The following USH2A variants were observed in gnomAD, a reference collection of about 807,000 sequenced individuals.
The protein encoded by USH2A is usherin, also known as Usher syndrome 2A (autosomal recessive, mild).
USH2A carries 443 observed loss-of-function variants against 538.9 expected under a neutral mutation model. The ratio of observed to expected loss-of-function variants is 0.82; its 90% CI spans 0.76 to 0.89. The LOEUF is 0.89. Ranked by LOEUF, USH2A falls within the 40% of genes least tolerant of loss-of-function variation. USH2A has a pLI of 0.00. For synonymous variants in USH2A, 2,413 were observed against 2,273.5 expected (o/e 1.06, Z -1.75); for missense variants, 6,633 against 6,324.8 (o/e 1.05, Z -1.65).
chr1:216,103,669 T>A (rs924390390), intron 21 of USH2A, among the ~76,000 whole-genome samples: 1 of 152,142 alleles, frequency 6.6e-6, no homozygotes, highest in Non-Finnish European at 1.5e-5. Context: ...ATTCTTACAA[T>A]GGACATGTAG....
chr1:216,280,228 G>T (rs1389517422), intron 11 of USH2A, among the ~76,000 whole-genome samples: 2 of 151,850 alleles, frequency 1.3e-5, no homozygotes, highest in Non-Finnish European at 2.9e-5. Context: ...AGAAGGAAGT[G>T]CAGTGGTATC....
chr1:216,197,169 G>T (rs1262676816), intron 18 of USH2A, among the ~76,000 whole-genome samples: 1 of 152,132 alleles, frequency 6.6e-6, no homozygotes, highest in African/African-American at 2.4e-5. Flanking sequence ...TTATTCTTCA[G>T]AAAGAGGTAA....
chr1:215,954,803 T>A (rs1434415595), intron 37 of USH2A, among the ~76,000 whole-genome samples: 1 of 151,988 alleles, frequency 6.6e-6, no homozygotes, highest in Non-Finnish European at 1.5e-5. Context: ...CTTAAAACAG[T>A]CTGCTGCATG....
intron 62 of USH2A, among the ~76,000 whole-genome samples, chr1:215,676,116 G>T (rs1041356931): frequency 4.6e-5 from 7 of 152,058 alleles, no homozygotes; most frequent in African/African-American, 1.7e-4. Flanking sequence ...TTGTGTGTGT[G>T]TGTGTTTAGG....
In USH2A at chr1:215,786,742, A is replaced by G. The variant is rs1661812275; in HGVS notation, c.10315T>C (p.Ser3439Pro). 1 of 1,613,882 alleles carries G rather than the reference A, an allele frequency of 6.2e-7. No homozygotes were observed. Among genetic ancestry groups the G allele is most frequent in the Non-Finnish European group, 8.5e-7 (1 of 1,179,956 alleles). Residue 3439 changes from serine to proline, a missense_variant, in exon 52 of 72, where the codon TCA becomes CCA. Coordinates refer to ENST00000307340, the MANE Select transcript of USH2A (RefSeq NM_206933.4). Reference sequence around the variant, plus strand: ...GCAGATGAACACATTTCTTCAATTGATGCCTTCCCTGTGGAATTGTGAGAC... The same window carrying G: ...GCAGATGAACACATTTCTTCAATTGGTGCCTTCCCTGTGGAATTGTGAGAC... ...RGSHNSTGKA[S>P]IEEMCSSAEE... is the part of the protein sequence containing the mutation.
chr1:216,143,540 C>G (rs1016988101), intron 21 of USH2A, among the ~76,000 whole-genome samples: 2 of 151,980 alleles, frequency 1.3e-5, no homozygotes, highest in African/African-American at 4.8e-5. Context: ...TTGAAATGCC[C>G]TAAAGAGTAG....
At chr1:215,848,179 A>G (rs1346124674) in intron 44 of USH2A, among the ~76,000 whole-genome samples, 1 of 152,174 alleles carries the variant, frequency 6.6e-6, no homozygotes, top group East Asian at 1.9e-4. Flanking sequence ...TTCTTCTGTT[A>G]CTAGCATCAT....
chr1:216,043,733 C>CT, intron 32 of USH2A, among the ~76,000 whole-genome samples: 1 of 152,134 alleles, frequency 6.6e-6, no homozygotes, highest in South Asian at 2.1e-4. Flanking sequence ...CTACACTGCC[C>CT]TTTTTCCGGT....
Position 216,324,349 on chromosome 1 carries a change from A to T in USH2A, c.1147T>A (p.Phe383Ile). The change falls in exon 7 of 72, where the codon TTT (phenylalanine) becomes ATT (isoleucine). Residue 383 changes from phenylalanine (F) to isoleucine (I), a missense_variant. Physicochemically the swap from Phe to Ile is conservative, Grantham distance 21 (BLOSUM62 0). Coordinates refer to ENST00000307340, the MANE Select transcript of USH2A (RefSeq NM_206933.4). Reference protein sequence around the residue: ...VDLENGQYQVFYIIIQFFSPQ... With the variant: ...VDLENGQYQVIYIIIQFFSPQ... ...CTAAAGAACTGAATGATAATATAAA[A>T]CACCTGAAAATGGAAAGTTAATTAA... The T allele has an allele frequency of 6.2e-7, 1 of 1,609,802 alleles. No homozygotes were observed. The highest frequency in any genetic ancestry group is 1.1e-5 in the South Asian group (1 of 90,610).
intron 11 of USH2A, among the ~76,000 whole-genome samples, chr1:216,264,707 G>A (rs750059641): frequency 7.9e-5 from 12 of 152,162 alleles, no homozygotes; most frequent in South Asian, 2.1e-4. Context: ...TGATACTGTC[G>A]TAAAACAGAC....
chr1:215,690,695 C>A (rs917541176), intron 61 of USH2A, among the ~76,000 whole-genome samples: 22 of 135,134 alleles, frequency 1.6e-4, no homozygotes, highest in African/African-American at 5.2e-4. Flanking sequence ...CTTCATTCTT[C>A]CAGTTGTTTA....
At chr1:215,904,199 C>T (rs1325811669) in intron 38 of USH2A, among the ~76,000 whole-genome samples, 1 of 151,742 alleles carries the variant, frequency 6.6e-6, no homozygotes, top group East Asian at 1.9e-4. Flanking sequence ...AGTCATTAGC[C>T]CTGAAAAAAT....
chr1:216,388,079 A>C (rs1181421497), intron 3 of USH2A, among the ~76,000 whole-genome samples: 1 of 152,222 alleles, frequency 6.6e-6, no homozygotes, highest in Non-Finnish European at 1.5e-5. Flanking sequence ...ATATTCTGCC[A>C]TGAACAAGTT....
chr1:215,874,576 T>C (rs1274419323), intron 43 of USH2A, among the ~76,000 whole-genome samples: 1 of 152,198 alleles, frequency 6.6e-6, no homozygotes, highest in African/African-American at 2.4e-5. Flanking sequence ...TATAAACACA[T>C]ACTTAGCCAA....
intron 41 of USH2A, among the ~76,000 whole-genome samples, chr1:215,882,669 GTCTC>G (rs1464872354): frequency 6.6e-6 from 1 of 151,916 alleles, no homozygotes; most frequent in African/African-American, 2.4e-5. Context: ...CATATCCTAG[GTCTC>G]TCTCTCTTTC....
chr1:216,017,390 C>T (rs565107099), intron 32 of USH2A, among the ~76,000 whole-genome samples: 8 of 152,268 alleles, frequency 5.3e-5, no homozygotes, highest in African/African-American at 1.2e-4. Context: ...AGGAGATAAT[C>T]GAGATAACTT....
At chr1:215,792,793 T>C (rs1047633948) in intron 50 of USH2A, among the ~76,000 whole-genome samples, 7 of 152,188 alleles carry the variant, frequency 4.6e-5, no homozygotes, top group African/African-American at 1.7e-4. Flanking sequence ...ACTTTTGAAC[T>C]TTGACACACG....
At chr1:216,401,844 T>C (rs193102190) in intron 3 of USH2A, among the ~76,000 whole-genome samples, 9 of 152,070 alleles carry the variant, frequency 5.9e-5, no homozygotes, top group Admixed American at 5.2e-4. Flanking sequence ...AAGCCCACAA[T>C]TAAATCAGGG....
chr1:216,135,170 A>T (rs1360485395), intron 21 of USH2A, among the ~76,000 whole-genome samples: 51 of 115,746 alleles, frequency 4.4e-4, no homozygotes, highest in South Asian at 1.7e-3. Flanking sequence ...TCTCTCTCAC[A>T]CACACACATA....
Sources: allele counts gnomAD v4.1 joint callset (sites outside exome capture counted in the v4.1 genomes callset), GRCh38; gene constraint gnomAD v4.1.1; transcripts MANE v1.5; gene names NCBI Gene and HGNC (gene_info 2026-07-23, HGNC 2026-07-21).